The following SETBP1 variants were observed in gnomAD, a reference collection of about 807,000 sequenced individuals.
SETBP1 encodes SET-binding protein.
A neutral mutation model predicts 101.0 loss-of-function variants in SETBP1; 9 were observed. The observed-to-expected ratio is 0.09, with a 90% CI of 0.05 to 0.16. The LOEUF is 0.16. Among genes scored for constraint, SETBP1 ranks in the 10% least tolerant of loss-of-function variants. SETBP1 has a pLI of 1.00. For synonymous variants in SETBP1, 818 were observed against 788.5 expected, an observed-to-expected ratio of 1.04 and a Z score of -0.63; for missense variants, 1,858 against 2,033.8, an observed-to-expected ratio of 0.91 and a Z score of 1.66.
Position 44,952,868 on chromosome 18 carries a change from C to G in SETBP1, c.3528C>G (p.Gly1176=). Residue 1176 remains glycine, a synonymous_variant, in exon 4 of 6, where the codon GGC becomes GGG. Transcript: ENST00000649279. ...ACAACCTGAGTGGTCTTTTTGCAGGCAAAGCCACAGGCTTCTCCAGCCACA... is the reference window on the plus strand; with the variant it reads ...ACAACCTGAGTGGTCTTTTTGCAGGGAAAGCCACAGGCTTCTCCAGCCACA... ...THDNLSGLFA[G]KATGFSSHIL... The G allele has an allele frequency of 6.2e-7, 1 of 1,614,114 alleles. No individual in the cohort carries two copies. The highest frequency in any genetic ancestry group is 8.5e-7 in the Non-Finnish European group (1 of 1,180,030).
chr18:44,862,270 CA>C (rs1451585516), intron 2 of SETBP1, among the ~76,000 whole-genome samples: 1 of 152,200 alleles, frequency 6.6e-6, no homozygotes, highest in Non-Finnish European at 1.5e-5. Flanking sequence ...TATAAGGAAT[CA>C]AGACCAGGCT....
intron 4 of SETBP1, among the ~76,000 whole-genome samples, chr18:44,982,311 G>A (rs914699368): frequency 3.3e-5 from 5 of 151,932 alleles, no homozygotes; most frequent in Non-Finnish European, 5.9e-5. Context: ...AGGGGCCGCC[G>A]GCTGGAAGAT....
chr18:44,718,790 A>T (rs2069521508), intron 2 of SETBP1, among the ~76,000 whole-genome samples: 1 of 152,130 alleles, frequency 6.6e-6, no homozygotes, highest in African/African-American at 2.4e-5. Flanking sequence ...CACCCAAGGT[A>T]TTGGCAGCTT....
chr18:45,018,088 C>T (rs1051948675), intron 4 of SETBP1, among the ~76,000 whole-genome samples: 5 of 152,202 alleles, frequency 3.3e-5, no homozygotes, highest in Non-Finnish European at 5.9e-5. Context: ...GGGATTCTAA[C>T]ATCTGGGCTA....
At chr18:44,717,095 C>G (rs1228620664) in intron 2 of SETBP1, among the ~76,000 whole-genome samples, 1 of 152,202 alleles carries the variant, frequency 6.6e-6, no homozygotes, top group Non-Finnish European at 1.5e-5. Context: ...GGAAATTGCC[C>G]TGGGTCTCAG....
rs935895796 is a variant in SETBP1 at position 44,810,936 on chromosome 18, G to A, written c.487-58294G>A. Among the ~76,000 whole-genome samples the A allele has an allele frequency of 5.9e-5, 9 of 152,144 alleles. No individual in the cohort carries two copies. The East Asian group carries it at 7.7e-4, about 13-fold the overall frequency. The stretch of plus-strand genomic sequence containing the variant: ...TATGAACATATGCATTTTCTGGGGC[G>A]AACCATGTAAATTTCAAAAGATTCT... On this transcript the variant is annotated intron_variant, in intron 2 of 5. Transcript: ENST00000649279.
chr18:45,056,362 T>C (rs779327925), intron 5 of SETBP1, among the ~76,000 whole-genome samples: 37 of 152,176 alleles, frequency 2.4e-4, no homozygotes, highest in Non-Finnish European at 2.9e-4. Context: ...CATCAACCCC[T>C]TGAATGCACA....
At chr18:44,790,511 A>G (rs143478250) in intron 2 of SETBP1, among the ~76,000 whole-genome samples, 88 of 152,348 alleles carry the variant, frequency 5.8e-4, no homozygotes, top group African/African-American at 1.9e-3. Flanking sequence ...AAACCCTCAC[A>G]AACTGAGAAC....
intron 2 of SETBP1, among the ~76,000 whole-genome samples, chr18:44,826,330 G>A (rs960150816): frequency 6.6e-6 from 1 of 152,160 alleles, no homozygotes; most frequent in East Asian, 1.9e-4. Context: ...CCTGGCCCTC[G>A]CACAAAAGCT....
chr18:44,820,661 A>G (rs1297051797), intron 2 of SETBP1, among the ~76,000 whole-genome samples: 3 of 152,182 alleles, frequency 2.0e-5, no homozygotes, highest in Non-Finnish European at 4.4e-5. Context: ...TGAAATGTCA[A>G]TCCTGTGCTC....
chr18:44,690,775 A>T (rs968426858), intron 1 of SETBP1, among the ~76,000 whole-genome samples: 1 of 152,240 alleles, frequency 6.6e-6, no homozygotes, highest in Admixed American at 6.5e-5. Context: ...AACTTAAATC[A>T]GATGAAAAAC....
chr18:44,836,813 T>C (rs1470287700), intron 2 of SETBP1, among the ~76,000 whole-genome samples: 1 of 152,242 alleles, frequency 6.6e-6, no homozygotes, highest in Non-Finnish European at 1.5e-5. Flanking sequence ...TGCTGTGATC[T>C]GTTCTTAGCA....
At chr18:44,873,443 G>A (rs1374292287) in intron 3 of SETBP1, among the ~76,000 whole-genome samples, 1 of 152,202 alleles carries the variant, frequency 6.6e-6, no homozygotes, top group African/African-American at 2.4e-5. Flanking sequence ...TTAGAGAAGT[G>A]CAGAATAAAT....
intron 4 of SETBP1, among the ~76,000 whole-genome samples, chr18:45,013,270 A>ACAC (rs1423584475): frequency 6.6e-6 from 1 of 152,146 alleles, no homozygotes; most frequent in Non-Finnish European, 1.5e-5. Flanking sequence ...CTTTGATAAC[A>ACAC]CACCACGAAG....
intron 3 of SETBP1, among the ~76,000 whole-genome samples, chr18:44,919,932 T>C (rs1233033610): frequency 1.3e-5 from 2 of 152,208 alleles, no homozygotes; most frequent in Non-Finnish European, 2.9e-5. Flanking sequence ...TTTGTTTTCC[T>C]ATCTCCTTTC....
At chr18:44,833,543 T>G (rs955692700) in intron 2 of SETBP1, among the ~76,000 whole-genome samples, 4 of 152,154 alleles carry the variant, frequency 2.6e-5, no homozygotes, top group African/African-American at 4.8e-5. Flanking sequence ...GGACCAGAAG[T>G]GGCAGACAAA....
intron 2 of SETBP1, among the ~76,000 whole-genome samples, chr18:44,781,773 A>G (rs1390812859): frequency 1.3e-5 from 2 of 152,160 alleles, no homozygotes; most frequent in African/African-American, 2.4e-5. Context: ...TTCTCTTCCC[A>G]TGTCTGCCCT....
intron 2 of SETBP1, among the ~76,000 whole-genome samples, chr18:44,859,658 G>A (rs1055920921): frequency 3.3e-5 from 5 of 152,146 alleles, no homozygotes; most frequent in African/African-American, 4.8e-5. Flanking sequence ...TACCTACCTG[G>A]TACAAGAACA....
At chr18:44,883,817 G>A (rs374729753) in intron 3 of SETBP1, among the ~76,000 whole-genome samples, 2 of 152,156 alleles carry the variant, frequency 1.3e-5, no homozygotes, top group Admixed American at 6.6e-5. Flanking sequence ...TGAAATTGCA[G>A]AACTGGGTTT....
Sources: gnomAD v4.1 joint callset for allele counts (sites outside exome capture counted in the v4.1 genomes callset) on GRCh38, gnomAD v4.1.1 for gene constraint, MANE v1.5 for transcripts, NCBI Gene and HGNC (gene_info 2026-07-23, HGNC 2026-07-21) for gene names.